Variants in MEGF11 observed in about 807,000 individuals in gnomAD.
MEGF11 encodes multiple EGF like domains 11, also known as multiple epidermal growth factor-like domains protein 11.
Under a neutral mutation model 146.6 loss-of-function variants are expected in MEGF11, and 126 were observed. The ratio of observed to expected loss-of-function variants is 0.86; its 90% CI spans 0.74 to 1.00. The LOEUF (loss-of-function observed/expected upper bound fraction) is 1.00, where lower values mean the gene tolerates loss of function less well. Among genes scored for constraint, MEGF11 ranks in the 50% least tolerant of loss-of-function variants. The pLI is 0.00. For missense variants in MEGF11, 1,509 were observed against 1,521.2 expected, an observed-to-expected ratio of 0.99 and a Z score of 0.13; for synonymous variants, 532 against 583.4, an observed-to-expected ratio of 0.91 and a Z score of 1.27.
At chr15:65,983,990 C>T (rs145044591) in intron 5 of MEGF11, among the ~76,000 whole-genome samples, 1 of 152,284 alleles carries the variant, frequency 6.6e-6, no homozygotes, top group Non-Finnish European at 1.5e-5. Context: ...TGACCAAGGT[C>T]AAGCGGTCAA....
At chr15:66,071,251 G>C (rs1480696394) in intron 5 of MEGF11, among the ~76,000 whole-genome samples, 1 of 152,040 alleles carries the variant, frequency 6.6e-6, no homozygotes, top group Non-Finnish European at 1.5e-5. Flanking sequence ...TAGACTCTAC[G>C]TTCCTTGAGG....
At chr15:66,231,988 G>A (rs973412332) in intron 1 of MEGF11, among the ~76,000 whole-genome samples, 2 of 152,176 alleles carry the variant, frequency 1.3e-5, no homozygotes, top group African/African-American at 4.8e-5. Flanking sequence ...CCATTTTACA[G>A]ATGGTCAAAC....
In MEGF11 at chr15:66,116,756, A is replaced by G. The variant is rs191290952; in HGVS notation, c.301+2330T>C. 5.3e-5 allele frequency among the ~76,000 whole-genome samples: 8 copies of G among 152,272 alleles called. No homozygotes were observed. In the East Asian group the frequency reaches 1.5e-3, roughly 29 times the overall value. On this transcript the variant is annotated intron_variant, in intron 4 of 25. Transcript: ENST00000395614. ...GCAACTAAAAGCCAGGACTCAAACA[A>G]TGTGGAGCACCAATGCCATGGAGGA...
rs377115522 is a variant in MEGF11 at position 65,935,981 on chromosome 15, CG to C, written c.1288-5039del. Among the ~76,000 whole-genome samples the C allele has an allele frequency of 4.7e-4, 71 of 152,294 alleles. No individual in the cohort carries two copies. In the East Asian group the frequency reaches 0.01, roughly 21 times the overall value. ...ATTAGACTATCAGCTCTGCCCACCC[CG>C]GCATATCCCCTGGCCCAAGGTGTAG... On this transcript the variant is annotated intron_variant, in intron 10 of 25. Coordinates refer to ENST00000395614, the MANE Select transcript of MEGF11 (RefSeq NM_001385028.1).
At chr15:66,094,311 C>T in intron 5 of MEGF11, 91 bp downstream of exon 5, 1 of 1,130,124 alleles carries the variant, frequency 8.8e-7, no homozygotes, top group East Asian at 2.6e-5. Context: ...CGCCCCAGCA[C>T]AACACAAAAA....
At chr15:66,247,370 G>T (rs2140259260) in intron 1 of MEGF11, among the ~76,000 whole-genome samples, 1 of 152,200 alleles carries the variant, frequency 6.6e-6, no homozygotes, top group Admixed American at 6.5e-5. Flanking sequence ...GTATAATTAT[G>T]GTGCTAATTC....
intron 1 of MEGF11, among the ~76,000 whole-genome samples, chr15:66,133,104 GCA>G (rs2088724779): frequency 6.6e-6 from 1 of 152,210 alleles, no homozygotes; most frequent in Non-Finnish European, 1.5e-5. Context: ...AGGTCACACT[GCA>G]CAAGGCATTC....
intron 9 of MEGF11, among the ~76,000 whole-genome samples, chr15:65,961,813 C>T (rs1239543676): frequency 6.6e-6 from 1 of 152,144 alleles, no homozygotes; most frequent in Non-Finnish European, 1.5e-5. Flanking sequence ...GTGGTGGGGG[C>T]TTTGTTGTAA....
At chr15:66,208,146 T>C (rs4074578) in intron 1 of MEGF11, among the ~76,000 whole-genome samples, 20,568 of 151,874 alleles carry the variant, frequency 0.14, 2,202 homozygotes, top group African/African-American at 0.3. Flanking sequence ...AAAGTTTTTG[T>C]ATACTATTGA....
At chr15:65,911,447 CTG>C (rs538256576) in intron 21 of MEGF11, among the ~76,000 whole-genome samples, 69 of 152,286 alleles carry the variant, frequency 4.5e-4, no homozygotes, top group African/African-American at 1.5e-3. Flanking sequence ...GAGTCTTGCT[CTG>C]TCGTCAGGCT....
intron 5 of MEGF11, among the ~76,000 whole-genome samples, chr15:66,072,925 C>T (rs575341226): frequency 6.6e-6 from 1 of 152,234 alleles, no homozygotes; most frequent in Non-Finnish European, 1.5e-5. Flanking sequence ...AAGGTGGCAA[C>T]TTTTGCAAGG....
intron 5 of MEGF11, among the ~76,000 whole-genome samples, chr15:65,986,993 G>A (rs1279103174): frequency 2.0e-5 from 3 of 151,292 alleles, no homozygotes; most frequent in African/African-American, 7.4e-5. Flanking sequence ...GGGGCTGAAG[G>A]GCACCTGGAA....
intron 5 of MEGF11, among the ~76,000 whole-genome samples, chr15:66,033,202 T>G (rs1200672348): frequency 2.0e-5 from 3 of 151,586 alleles, no homozygotes; most frequent in East Asian, 3.9e-4. Flanking sequence ...GCCAAGAGAT[T>G]GTTTGCTGAA....
chr15:65,992,451 G>GTGTGTGTGT (rs772342790), intron 5 of MEGF11, among the ~76,000 whole-genome samples: 1 of 17,902 alleles, frequency 5.6e-5, no homozygotes, highest in African/African-American at 1.2e-4. Flanking sequence ...GTGTGTGTGT[G>GTGTGTGTGT]GGGGGGGGGG....
intron 9 of MEGF11, 83 bp downstream of exon 9, chr15:65,964,825 T>G (rs1167243051): frequency 3.4e-5 from 45 of 1,306,378 alleles, no homozygotes; most frequent in Non-Finnish European, 2.8e-5. Flanking sequence ...ATGCTAGAGG[T>G]GGGGGGCCAC....
chr15:66,099,558 C>T (rs1279114654), intron 4 of MEGF11, among the ~76,000 whole-genome samples: 1 of 152,152 alleles, frequency 6.6e-6, no homozygotes, highest in Non-Finnish European at 1.5e-5. Flanking sequence ...AGCCAAGGTC[C>T]CTGCTCTGCC....
At chr15:66,106,295 C>T (rs568593961) in intron 4 of MEGF11, among the ~76,000 whole-genome samples, 16 of 152,254 alleles carry the variant, frequency 1.1e-4, no homozygotes, top group African/African-American at 3.9e-4. Context: ...TTACTGGGGG[C>T]TTTTTCATGG....
chr15:66,184,421 A>G (rs931378303), intron 1 of MEGF11, among the ~76,000 whole-genome samples: 2 of 151,834 alleles, frequency 1.3e-5, no homozygotes, highest in Admixed American at 1.3e-4. Flanking sequence ...CCGCCCTAAG[A>G]ATCCGTGCCC....
At chr15:65,916,604 G>T in intron 17 of MEGF11, 1 of 823,316 alleles carries the variant, frequency 1.2e-6, no homozygotes, top group Non-Finnish European at 2.0e-6. Flanking sequence ...GTACCTTGCA[G>T]CCCTGACCTT....
Sources: allele counts gnomAD v4.1 joint callset (sites outside exome capture counted in the v4.1 genomes callset), GRCh38; gene constraint gnomAD v4.1.1; transcripts MANE v1.5; gene names NCBI Gene and HGNC (gene_info 2026-07-23, HGNC 2026-07-21).